The following PTPRD variants were observed in gnomAD, a reference collection of about 807,000 sequenced individuals.
The protein encoded by PTPRD is receptor-type tyrosine-protein phosphatase delta.
A neutral mutation model predicts 214.5 loss-of-function variants in PTPRD; 34 were observed. The observed-to-expected ratio is 0.16, with a 90% CI of 0.12 to 0.21. The LOEUF is 0.21. Among genes scored for constraint, PTPRD ranks in the 10% least tolerant of loss-of-function variants. PTPRD has a pLI of 1.00. For synonymous variants in PTPRD, 1,128 were observed against 845.7 expected (o/e 1.33, Z -5.79); for missense variants, 2,545 against 2,398.7 (o/e 1.06, Z -1.27).
At position 9,807,656 on chromosome 9, in the gene PTPRD, C is replaced by T. The variant is rs77321081; in HGVS notation, c.-367-40805G>A. Among the ~76,000 whole-genome samples the T allele has an allele frequency of 4.8e-3, 737 of 152,238 alleles. 9 individuals carry two copies. The highest frequency in any genetic ancestry group is 0.017 in the African/African-American group (698 of 41,544). Reference sequence around the variant, plus strand: ...ACACATTGCTCTAGCATATTCACTTCGGAAACAAAAGACATCATTCTATTT... The same window carrying T: ...ACACATTGCTCTAGCATATTCACTTTGGAAACAAAAGACATCATTCTATTT... On this transcript the variant is annotated intron_variant, in intron 5 of 45. Coordinates refer to ENST00000381196, the MANE Select transcript of PTPRD (RefSeq NM_002839.4).
Position 8,791,320 on chromosome 9 carries a change from G to C in PTPRD, c.-103-57374C>G, listed in dbSNP as rs560502991. ...CGCTCACTGCAAACTCCGCCTCCCA[G>C]GTTCAAGTGATTCTCCTGCCTTAGC... On this transcript the variant is annotated intron_variant, in intron 11 of 45. Transcript: ENST00000381196. Among the ~76,000 whole-genome samples, 471 of 152,096 alleles carry C rather than the reference G, an allele frequency of 3.1e-3. 3 individuals are homozygous for C. Among genetic ancestry groups the C allele is most frequent in the African/African-American group, 0.011 (452 of 41,504 alleles).
chr9:9,655,027 A>G (rs115581483), intron 7 of PTPRD, among the ~76,000 whole-genome samples: 1 of 151,908 alleles, frequency 6.6e-6, no homozygotes, highest in Non-Finnish European at 1.5e-5. Context: ...ATAGATATAG[A>G]TATAGTCTAC....
intron 7 of PTPRD, among the ~76,000 whole-genome samples, chr9:9,595,029 C>T (rs950506935): frequency 2.0e-5 from 3 of 151,872 alleles, no homozygotes; most frequent in African/African-American, 4.8e-5. Context: ...ATCAAAACCA[C>T]AATGCAATAC....
chr9:9,111,267 T>C (rs2099805669), intron 10 of PTPRD, among the ~76,000 whole-genome samples: 1 of 150,462 alleles, frequency 6.6e-6, no homozygotes, highest in South Asian at 2.1e-4. Context: ...TTTTTTTTTT[T>C]TGATAGCTTC....
chr9:9,234,205 C>A (rs1296344326), intron 9 of PTPRD, among the ~76,000 whole-genome samples: 1 of 152,196 alleles, frequency 6.6e-6, no homozygotes, highest in Non-Finnish European at 1.5e-5. Context: ...GCAGGCCCAA[C>A]ACTACAGGTA....
intron 3 of PTPRD, among the ~76,000 whole-genome samples, chr9:10,248,533 A>AAAAAAAAAAGC (rs60272481): frequency 1.6e-5 from 2 of 127,442 alleles, no homozygotes; most frequent in African/African-American, 6.6e-5. Context: ...AAAATAAAAA[A>AAAAAAAAAAGC]AATAAAGCGA....
chr9:10,096,207 T>C (rs536795443), intron 3 of PTPRD, among the ~76,000 whole-genome samples: 11 of 151,788 alleles, frequency 7.2e-5, no homozygotes, highest in African/African-American at 1.9e-4. Context: ...GTCTGACATA[T>C]AGAACAGGAA....
intron 2 of PTPRD, among the ~76,000 whole-genome samples, chr9:10,348,461 C>T (rs904039539): frequency 1.3e-5 from 2 of 152,268 alleles, no homozygotes; most frequent in East Asian, 1.9e-4. Context: ...CTGCCCCTTA[C>T]GTGGTGCACA....
At chr9:10,102,562 C>A (rs1400466327) in intron 3 of PTPRD, among the ~76,000 whole-genome samples, 1 of 151,468 alleles carries the variant, frequency 6.6e-6, no homozygotes, top group Non-Finnish European at 1.5e-5. Context: ...TAATAAAATA[C>A]TCATAAATAA....
At chr9:9,393,890 C>T (rs1327702537) in intron 9 of PTPRD, among the ~76,000 whole-genome samples, 1 of 152,084 alleles carries the variant, frequency 6.6e-6, no homozygotes, top group Non-Finnish European at 1.5e-5. Flanking sequence ...TCACCATTAT[C>T]ACAAATATCA....
chr9:8,677,329 C>A (rs935960640), intron 12 of PTPRD, among the ~76,000 whole-genome samples: 1 of 152,182 alleles, frequency 6.6e-6, no homozygotes, highest in Admixed American at 6.5e-5. Flanking sequence ...TGAGGAAATA[C>A]TACCCAGCTA....
chr9:9,147,612 C>A (rs1405209565), intron 10 of PTPRD, among the ~76,000 whole-genome samples: 1 of 152,002 alleles, frequency 6.6e-6, no homozygotes, highest in Non-Finnish European at 1.5e-5. Flanking sequence ...GGAACACAGC[C>A]ATAATTATTT....
intron 10 of PTPRD, among the ~76,000 whole-genome samples, chr9:9,069,745 A>G (rs1338833332): frequency 6.6e-6 from 1 of 152,226 alleles, no homozygotes; most frequent in Non-Finnish European, 1.5e-5. Flanking sequence ...AGATGAAGGA[A>G]ACATGTATAC....
At chr9:8,565,048 T>G (rs2088358402) in intron 14 of PTPRD, among the ~76,000 whole-genome samples, 1 of 152,190 alleles carries the variant, frequency 6.6e-6, no homozygotes, top group African/African-American at 2.4e-5. Context: ...AAAGTAATTA[T>G]GAAGCTACTC....
intron 10 of PTPRD, among the ~76,000 whole-genome samples, chr9:9,104,548 G>A (rs958269660): frequency 4.6e-5 from 7 of 152,098 alleles, no homozygotes; most frequent in Non-Finnish European, 1.0e-4. Context: ...AGATACTCAA[G>A]CCCACTGTAA....
chr9:9,435,814 A>C (rs549613181), intron 8 of PTPRD, among the ~76,000 whole-genome samples: 2 of 152,202 alleles, frequency 1.3e-5, no homozygotes, highest in Non-Finnish European at 2.9e-5. Flanking sequence ...ATAATAAACT[A>C]ACTTATCATT....
At chr9:9,919,210 G>T (rs1172130094) in intron 5 of PTPRD, among the ~76,000 whole-genome samples, 1 of 151,878 alleles carries the variant, frequency 6.6e-6, no homozygotes. Context: ...TACTGATTTA[G>T]CACCTCTTAA....
intron 7 of PTPRD, among the ~76,000 whole-genome samples, chr9:9,716,616 AT>A (rs1490250053): frequency 6.6e-6 from 1 of 151,928 alleles, no homozygotes; most frequent in Non-Finnish European, 1.5e-5. Context: ...GATGGTGAGC[AT>A]TTTTTCATGT....
chr9:8,578,155 A>G (rs1299410217), intron 14 of PTPRD, among the ~76,000 whole-genome samples: 3 of 152,216 alleles, frequency 2.0e-5, no homozygotes, highest in Non-Finnish European at 4.4e-5. Context: ...GAAGATGATC[A>G]TGTCAAGACG....
Sources: allele counts gnomAD v4.1 joint callset (sites outside exome capture counted in the v4.1 genomes callset), GRCh38; gene constraint gnomAD v4.1.1; transcripts MANE v1.5; gene names NCBI Gene and HGNC (gene_info 2026-07-23, HGNC 2026-07-21).